The following PTCH1 variants were observed in gnomAD, a reference collection of about 807,000 sequenced individuals.
PTCH1 encodes the protein patched 1, also known as protein patched homolog 1.
Under a neutral mutation model 144.6 loss-of-function variants are expected in PTCH1, and 14 were observed. The observed-to-expected ratio is 0.10, with a 90% CI of 0.06 to 0.15. The LOEUF (loss-of-function observed/expected upper bound fraction) is 0.15, where lower values mean the gene tolerates loss of function less well. PTCH1 is among the 10% of genes least tolerant of loss of function. The pLI is 1.00. For missense variants in PTCH1, 1,623 were observed against 1,948.3 expected (o/e 0.83, Z 3.14); for synonymous variants, 833 against 793.6 (o/e 1.05, Z -0.83).
intron 1 of PTCH1, chr9:95,507,546 G>A (rs1391893890): frequency 1.5e-6 from 1 of 680,632 alleles, no homozygotes; most frequent in Non-Finnish European, 1.8e-6. Context: ...CCTAAGGAGA[G>A]GCGGCTCAAA....
chr9:95,450,513 T>C (rs1298925082), intron 20 of PTCH1: 1 of 156,228 alleles, frequency 6.4e-6, no homozygotes, highest in African/African-American at 2.4e-5. Flanking sequence ...CTTTCATTAA[T>C]CACAACTTTC....
Position 95,476,064 on chromosome 9 carries a change from T to G in PTCH1, c.1698A>C (p.Pro566=), listed in dbSNP as rs2118250352. 1 of 1,614,044 alleles carries G rather than the reference T, an allele frequency of 6.2e-7. No homozygotes were observed. The highest frequency in any genetic ancestry group is 8.5e-7 in the Non-Finnish European group (1 of 1,179,992). ...GGGAGAACGCCCGCAGAGCGGGAAT[T>G]GGGATTAACGCGGCCATGAAGAAGG... ...VTAFFMAALI[P]IPALRAFSLQ... The change falls in exon 12 of 24, where the codon CCA becomes CCC. Residue 566 remains proline (P), a synonymous_variant. Coordinates refer to ENST00000331920, the MANE Select transcript of PTCH1 (RefSeq NM_000264.5). The surrounding 1 kb of genome is among the most constrained non-coding windows in gnomAD (Gnocchi z 4.6).
chr9:95,456,368 C>A lies in PTCH1; in HGVS notation c.3214G>T (p.Gly1072Cys), dbSNP rs779857568. 1.2e-6 allele frequency: 2 copies of A among 1,614,082 alleles called. No homozygotes were observed. The highest frequency in any genetic ancestry group is 1.7e-6 in the Non-Finnish European group (2 of 1,180,036). Residue 1072 changes from glycine (G) to cysteine (C), a missense_variant, in exon 19 of 24, where the codon GGC (glycine) becomes TGC (cysteine). Gly to Cys is a radical substitution (Grantham distance 159). Around this residue, in one of 7 missense-constraint regions of PTCH1, gnomAD observed 504 missense variants for 679.3 expected, o/e 0.74. Coordinates refer to ENST00000331920, the MANE Select transcript of PTCH1 (RefSeq NM_000264.5). ...LMTVELFGMMGLIGIKLSAVP... is the reference protein window; with the variant it reads ...LMTVELFGMMCLIGIKLSAVP... ...GCACTGAGCTTGATTCCGATGAGGC[C>A]CATCATGCCGAACAGCTCGACCGTC...
chr9:95,462,511 C>T (rs1414304364), intron 15 of PTCH1, among the ~76,000 whole-genome samples: 1 of 152,190 alleles, frequency 6.6e-6, no homozygotes, highest in Non-Finnish European at 1.5e-5. Flanking sequence ...TCCATCTGTT[C>T]GACTTGTGGA....
intron 2 of PTCH1, among the ~76,000 whole-genome samples, chr9:95,492,475 A>G (rs1297192454): frequency 6.6e-6 from 1 of 152,192 alleles, no homozygotes; most frequent in Non-Finnish European, 1.5e-5. Flanking sequence ...AGACAGTTCA[A>G]TATACACCAA....
rs2118313541 is a variant in PTCH1 at position 95,477,719 on chromosome 9, G to C, written c.1348-17C>G. 1.9e-6 allele frequency: 3 copies of C among 1,613,824 alleles called. No homozygotes were observed. The highest frequency in any genetic ancestry group is 2.2e-5 in the East Asian group (1 of 44,858). ...ATAGGCGAGCTGCAAGCAGAACAATGGGGGCACAGAACAAAAGCCGAACAT... is the reference window on the plus strand; with the variant it reads ...ATAGGCGAGCTGCAAGCAGAACAATCGGGGCACAGAACAAAAGCCGAACAT... On this transcript the variant is annotated splice_polypyrimidine_tract_variant and intron_variant, in intron 9 of 23. Coordinates refer to ENST00000331920, the MANE Select transcript of PTCH1 (RefSeq NM_000264.5).
chr9:95,474,180 G>A, intron 12 of PTCH1: 1 of 403,334 alleles, frequency 2.5e-6, no homozygotes, highest in Non-Finnish European at 5.0e-6. Flanking sequence ...GAGAAAAGAA[G>A]AAAAGAAGGA....
At chr9:95,506,669 C>T (rs1216282956) in intron 1 of PTCH1, 70 bp from the exon 2 acceptor site, 2 of 1,403,374 alleles carry the variant, frequency 1.4e-6, no homozygotes, top group South Asian at 1.5e-5. Context: ...CCCGCTTGCG[C>T]GCACCCGCCC....
chr9:95,487,187 G>A (rs752917557), intron 2 of PTCH1, among the ~76,000 whole-genome samples: 25 of 152,178 alleles, frequency 1.6e-4, no homozygotes, highest in Admixed American at 1.2e-3. Flanking sequence ...CAAATTCACC[G>A]CCTGGCAGGA....
At chr9:95,474,125 G>A (rs758043751) in intron 12 of PTCH1, 5 of 492,750 alleles carry the variant, frequency 1.0e-5, no homozygotes, top group Non-Finnish European at 2.0e-5. Flanking sequence ...AGTCGGCCTC[G>A]ATGAGCCATC....
intron 2 of PTCH1, among the ~76,000 whole-genome samples, 167 bp from the exon 3 acceptor site, chr9:95,486,041 C>T (rs972293816): frequency 6.6e-6 from 1 of 152,170 alleles, no homozygotes; most frequent in Non-Finnish European, 1.5e-5. Context: ...ATGTTAACTT[C>T]ACCAATAGTA....
intron 2 of PTCH1, among the ~76,000 whole-genome samples, chr9:95,504,932 A>G (rs1416684810): frequency 6.6e-6 from 1 of 152,236 alleles, no homozygotes; most frequent in Non-Finnish European, 1.5e-5. Context: ...ACTTGTTGCT[A>G]GGAGCATAAT....
exon 1 of PTCH1, chr9:95,516,690 T>TCTC (rs759490271): frequency 9.9e-6 from 16 of 1,611,990 alleles, no homozygotes; most frequent in South Asian, 9.9e-5. Context: ...TTCTTCTTCT[T>TCTC]CTCCTCCTCC....
In PTCH1 at chr9:95,449,059, A is replaced by T. The variant is rs763314823; in HGVS notation, c.3804+10T>A. 1 of 1,613,982 alleles carries T rather than the reference A, an allele frequency of 6.2e-7. No homozygotes were observed. The highest frequency in any genetic ancestry group is 1.7e-5 in the Admixed American group (1 of 60,026). ...AAGACCCCTCCCCCTGGTTCTGCAGAGTCACTTACAGTGGAGTGGGCGAAG... is the reference window on the plus strand; with the variant it reads ...AAGACCCCTCCCCCTGGTTCTGCAGTGTCACTTACAGTGGAGTGGGCGAAG... On this transcript the variant is annotated intron_variant, in intron 22 of 23. Coordinates refer to ENST00000331920, the MANE Select transcript of PTCH1 (RefSeq NM_000264.5). This position sits in a 1 kb window ranked among gnomAD's most constrained non-coding sequence, Gnocchi z 5.3.
At chr9:95,479,928 G>T (rs748001217) in intron 7 of PTCH1, 41 bp downstream of exon 7, 1 of 1,614,122 alleles carries the variant, frequency 6.2e-7, no homozygotes, top group Non-Finnish European at 8.5e-7. Flanking sequence ...AGGAAAGGAA[G>T]AAGACTACAG....
At chr9:95,514,623 TGTG>T (rs1564097097) in intron 1 of PTCH1, 1 of 127,178 alleles carries the variant, frequency 7.9e-6, no homozygotes, top group African/African-American at 3.1e-5. Flanking sequence ...AAATAAAAGG[TGTG>T]TGTGTGTGTG....
chr9:95,512,715 A>G (rs770944024), upstream of PTCH1, among the ~76,000 whole-genome samples: 2 of 152,196 alleles, frequency 1.3e-5, no homozygotes, highest in African/African-American at 2.4e-5. Context: ...CAAGGATTCC[A>G]CAGATCTGAG....
At chr9:95,488,833 A>T (rs1027168734) in intron 2 of PTCH1, among the ~76,000 whole-genome samples, 8 of 152,254 alleles carry the variant, frequency 5.3e-5, no homozygotes, top group Non-Finnish European at 1.0e-4. Flanking sequence ...ATGGGATAGC[A>T]GGGAAGACCT....
rs1393609008 is a variant in PTCH1 at position 95,490,552 on chromosome 9, C to CACACACAA, written c.395-4679_395-4678insTTGTGTGT. Among the ~76,000 whole-genome samples the CACACACAA allele has an allele frequency of 2.7e-5, 4 of 149,782 alleles. No individual in the cohort carries two copies. The East Asian group carries it at 7.9e-4, about 29-fold the overall frequency. On this transcript the variant is annotated intron_variant, in intron 2 of 23. Coordinates refer to ENST00000331920, the MANE Select transcript of PTCH1 (RefSeq NM_000264.5). Reference sequence around the variant, plus strand: ...ACACACACACACACACACACACACACACACAAAAGAAAGATAGATATGAGA... The same window carrying CACACACAA: ...ACACACACACACACACACACACACACACACACAAACACAAAAGAAAGATAGATATGAGA...
Sources: allele counts gnomAD v4.1 joint callset (sites outside exome capture counted in the v4.1 genomes callset), GRCh38; gene constraint gnomAD v4.1.1; regional missense constraint gnomAD v4.1.1; non-coding constraint Gnocchi (gnomAD v3.1); transcripts MANE v1.5; gene names NCBI Gene and HGNC (gene_info 2026-07-23, HGNC 2026-07-21).